MICAL2: variants seen among roughly 807,000 people sequenced by gnomAD.
The protein encoded by MICAL2 is [F-actin]-monooxygenase MICAL2.
Under a neutral mutation model 127.3 loss-of-function variants are expected in MICAL2, and 77 were observed. That is an observed-to-expected ratio of 0.60 (90% CI 0.50 to 0.73). The LOEUF (loss-of-function observed/expected upper bound fraction) is 0.73, where lower values mean the gene tolerates loss of function less well. Among genes scored for constraint, MICAL2 ranks in the 30% least tolerant of loss-of-function variants. The probability of loss-of-function intolerance (pLI) is 0.00; values close to 1 mark genes in which losing one functional copy is unlikely to be tolerated. For missense variants in MICAL2, 1,351 were observed against 1,434.4 expected (o/e 0.94, Z 0.94); for synonymous variants, 570 against 551.1 (o/e 1.03, Z -0.48).
At chr11:12,188,242 G>A (rs1858580291) in intron 3 of MICAL2, among the ~76,000 whole-genome samples, 1 of 152,050 alleles carries the variant, frequency 6.6e-6, no homozygotes, top group Non-Finnish European at 1.5e-5. Flanking sequence ...ATAATATTTT[G>A]CATATAATAG....
chr11:12,349,920 G>A (rs1173930417), exon 33 of MICAL2: 2 of 1,613,968 alleles, frequency 1.2e-6, no homozygotes, highest in Non-Finnish European at 1.7e-6. Context: ...TGCGATATGA[G>A]TCGGAGCTCC....
chr11:12,339,366 G>T (rs1565309834), intron 32 of MICAL2, among the ~76,000 whole-genome samples: 1 of 151,964 alleles, frequency 6.6e-6, no homozygotes, highest in African/African-American at 2.4e-5. Context: ...TTTTTTTCAA[G>T]GTTTTTAACT....
chr11:12,321,467 C>A (rs1406881531), intron 30 of MICAL2, among the ~76,000 whole-genome samples: 1 of 152,112 alleles, frequency 6.6e-6, no homozygotes, highest in Non-Finnish European at 1.5e-5. Context: ...ACCCTTGCTC[C>A]CCACTGCCTC....
rs531463334 is a variant in MICAL2 at position 12,221,630 on chromosome 11, G to A, written c.1207-14G>A. ...ATCAGAATCAACTGGAATTTTGCAC[G>A]TTTTCTTTTGCAGCCATTTTGGCCC... On this transcript the variant is annotated splice_polypyrimidine_tract_variant and intron_variant, in intron 9 of 27. Coordinates refer to ENST00000683283, the MANE Select transcript of MICAL2 (RefSeq NM_001282663.2). 4.6e-5 allele frequency: 74 copies of A among 1,593,462 alleles called. No homozygotes were observed. Among genetic ancestry groups the A allele is most frequent in the African/African-American group, 2.6e-4 (19 of 74,302 alleles).
intron 15 of MICAL2, among the ~76,000 whole-genome samples, chr11:12,231,093 G>A (rs1285216059): frequency 6.6e-6 from 1 of 152,186 alleles, no homozygotes; most frequent in Non-Finnish European, 1.5e-5. Context: ...ATGCCTGTGT[G>A]CATGGGCACA....
At chr11:12,191,880 G>T (rs944851655) in intron 3 of MICAL2, among the ~76,000 whole-genome samples, 1 of 152,182 alleles carries the variant, frequency 6.6e-6, no homozygotes, top group Non-Finnish European at 1.5e-5. Flanking sequence ...CATCTCCAGG[G>T]AGTGGGATGT....
intron 18 of MICAL2, among the ~76,000 whole-genome samples, 180 bp downstream of exon 18, chr11:12,241,342 A>C (rs961903019): frequency 6.6e-6 from 1 of 152,158 alleles, no homozygotes; most frequent in Non-Finnish European, 1.5e-5. Context: ...CACAAAATAC[A>C]TTTTATTGAT....
chr11:12,181,597 G>C (rs1248424408), intron 3 of MICAL2, among the ~76,000 whole-genome samples: 1 of 152,204 alleles, frequency 6.6e-6, no homozygotes, highest in Non-Finnish European at 1.5e-5. Flanking sequence ...GAAGTAGGTA[G>C]ATGTGTTTAA....
At chr11:12,274,853 A>G (rs75066815), upstream of MICAL2, among the ~76,000 whole-genome samples, 7,348 of 152,164 alleles carry the variant, frequency 0.048, 268 homozygotes, top group Non-Finnish European at 0.072. Context: ...GAGGAGTGGC[A>G]TGATCTCACT....
At chr11:12,213,561 A>G (rs1855787201) in intron 7 of MICAL2, 151 bp downstream of exon 7, 2 of 709,670 alleles carry the variant, frequency 2.8e-6, no homozygotes, top group African/African-American at 3.6e-5. Context: ...AGGATAGTGA[A>G]TACAGACAGG....
intron 1 of MICAL2, among the ~76,000 whole-genome samples, chr11:12,124,081 G>C (rs1158687005): frequency 2.6e-5 from 4 of 152,048 alleles, no homozygotes; most frequent in Non-Finnish European, 5.9e-5. Flanking sequence ...TCCTAAACTT[G>C]TGTGGCTTTA....
chr11:12,163,170 G>A (rs1432706256), intron 3 of MICAL2, among the ~76,000 whole-genome samples: 1 of 152,092 alleles, frequency 6.6e-6, no homozygotes, highest in African/African-American at 2.4e-5. Flanking sequence ...AGACAGCATC[G>A]GCGAACATAG....
chr11:12,344,875 A>G (rs1216123558), intron 32 of MICAL2, among the ~76,000 whole-genome samples: 7 of 151,416 alleles, frequency 4.6e-5, no homozygotes, highest in South Asian at 2.1e-4. Context: ...TTGGGAGGCC[A>G]AGGCGGGCAG....
chr11:12,111,943 C>A (rs11022178), intron 1 of MICAL2, among the ~76,000 whole-genome samples: 2,344 of 152,346 alleles, frequency 0.015, 52 homozygotes, highest in African/African-American at 0.053. Context: ...TAAGAACTCA[C>A]TTTCTTCATG....
At chr11:12,193,053 A>C (rs1177845358) in intron 3 of MICAL2, among the ~76,000 whole-genome samples, 6 of 152,166 alleles carry the variant, frequency 3.9e-5, no homozygotes, top group African/African-American at 1.4e-4. Context: ...CAGGTCCCTC[A>C]CTACACCACC....
In MICAL2 at chr11:12,225,490, C is replaced by CT. The variant is rs879714093; in HGVS notation, c.1689-668dup. 930 of 145,138 alleles carry CT rather than the reference C, an allele frequency of 6.4e-3. 18 individuals are homozygous for CT. Among genetic ancestry groups the CT allele is most frequent in the East Asian group, 0.055 (271 of 4,962 alleles). 9.0% of individuals were successfully genotyped at this position (145,138 alleles called of 1,614,324 possible). On this transcript the variant is annotated intron_variant, in intron 13 of 27. Transcript: ENST00000683283. ...AGGTGGCCTTAGGAGGATGGACCGT[C>CT]TTTTTTTTTTTTTAAGCTGGAGTCT...
At chr11:12,185,746 G>T (rs575791950) in intron 3 of MICAL2, among the ~76,000 whole-genome samples, 7 of 152,082 alleles carry the variant, frequency 4.6e-5, no homozygotes, top group Admixed American at 1.3e-4. Flanking sequence ...CAATAAAGAC[G>T]TCCAAACCCA....
chr11:12,261,248 C>G, intron 26 of MICAL2: 1 of 985,452 alleles, frequency 1.0e-6, no homozygotes, highest in Non-Finnish European at 1.2e-6. Context: ...CATATGTGGT[C>G]AAAACAGAAA....
intron 23 of MICAL2, 197 bp from the exon 24 acceptor site, chr11:12,256,588 C>G: frequency 1.9e-6 from 1 of 516,292 alleles, no homozygotes; most frequent in South Asian, 3.0e-5. Context: ...GTACAGTTAA[C>G]AGAAGCCCCT....
Sources: allele counts gnomAD v4.1 joint callset (sites outside exome capture counted in the v4.1 genomes callset), GRCh38; gene constraint gnomAD v4.1.1; transcripts MANE v1.5; gene names NCBI Gene and HGNC (gene_info 2026-07-23, HGNC 2026-07-21).